The following LHFPL2 variants were observed in gnomAD, a reference collection of about 807,000 sequenced individuals.
LHFPL2 encodes the protein LHFPL tetraspan subfamily member 2, also known as LHFPL tetraspan subfamily member 2 protein.
A neutral mutation model predicts 17.5 loss-of-function variants in LHFPL2; 7 were observed. The observed-to-expected ratio is 0.40, with a 90% CI of 0.23 to 0.75. The LOEUF is 0.75. Ranked by LOEUF, LHFPL2 falls within the 30% of genes least tolerant of loss-of-function variation. The pLI is 0.37. For missense variants in LHFPL2, 241 were observed against 294.8 expected (o/e 0.82, Z 1.34); for synonymous variants, 134 against 116.2 (o/e 1.15, Z -0.99).
intron 3 of LHFPL2, among the ~76,000 whole-genome samples, chr5:78,548,700 T>A (rs1467805322): frequency 6.6e-6 from 1 of 152,138 alleles, no homozygotes; most frequent in East Asian, 1.9e-4. Flanking sequence ...CTCCCTCAGC[T>A]CCCCTCACCT....
chr5:78,488,846 G>T lies in LHFPL2; in HGVS notation c.*51C>A. 1.3e-6 allele frequency: 2 copies of T among 1,588,684 alleles called. No homozygotes were observed. Among genetic ancestry groups the T allele is most frequent in the Non-Finnish European group, 1.7e-6 (2 of 1,164,494 alleles). On this transcript the variant is annotated 3_prime_UTR_variant, in exon 5 of 5. Transcript: ENST00000380345. ...ACTTGACTCAAATGATGAAACTGTGGACTGTTTCACAAGATTACTCAAGGG... is the reference window on the plus strand; with the variant it reads ...ACTTGACTCAAATGATGAAACTGTGTACTGTTTCACAAGATTACTCAAGGG...
At chr5:78,629,444 G>T (rs1322542930) in intron 2 of LHFPL2, among the ~76,000 whole-genome samples, 1 of 152,196 alleles carries the variant, frequency 6.6e-6, no homozygotes, top group Non-Finnish European at 1.5e-5. Flanking sequence ...TGCATTGATT[G>T]TGCTCTGGAA....
chr5:78,488,363 T>C lies in LHFPL2; in HGVS notation c.*534A>G, dbSNP rs1754320225. 1 of 164,910 alleles carries C rather than the reference T, an allele frequency of 6.1e-6. No homozygotes were observed. The highest frequency in any genetic ancestry group is 1.3e-5 in the Non-Finnish European group (1 of 74,508). The allele number at this position is 164,910 out of a possible 1,614,324, so 10.2% of individuals were successfully genotyped here. A position where few individuals can be genotyped will look rare whatever the true frequency, so the allele number is the denominator to read the frequency against. On this transcript the variant is annotated 3_prime_UTR_variant, in exon 5 of 5. Coordinates refer to ENST00000380345, the MANE Select transcript of LHFPL2 (RefSeq NM_005779.3). Reference sequence around the variant, plus strand: ...ACGCCATCCCTGCTGACCCCTTTGGTCAGCTAAGCAAAAGACAGTGTCTTG... The same window carrying C: ...ACGCCATCCCTGCTGACCCCTTTGGCCAGCTAAGCAAAAGACAGTGTCTTG...
At chr5:78,629,455 A>G (rs1292225072) in intron 2 of LHFPL2, among the ~76,000 whole-genome samples, 1 of 152,240 alleles carries the variant, frequency 6.6e-6, no homozygotes, top group Non-Finnish European at 1.5e-5. Context: ...TGCTCTGGAA[A>G]TGGAATAGAG....
intron 4 of LHFPL2, among the ~76,000 whole-genome samples, chr5:78,503,592 G>A (rs1754839240): frequency 6.6e-6 from 1 of 152,150 alleles, no homozygotes; most frequent in Non-Finnish European, 1.5e-5. Context: ...CAGCTACTCA[G>A]GAGGCTGAGA....
In LHFPL2 at chr5:78,488,770, T is replaced by G; in HGVS notation, c.*127A>C. On this transcript the variant is annotated 3_prime_UTR_variant, in exon 5 of 5. Coordinates refer to ENST00000380345, the MANE Select transcript of LHFPL2 (RefSeq NM_005779.3). Reference sequence around the variant, plus strand: ...GGATGTGGCCTCTCATTGGTCCTGTTTAAGCCTCGGGCCGTGGAACGTGGC... The same window carrying G: ...GGATGTGGCCTCTCATTGGTCCTGTGTAAGCCTCGGGCCGTGGAACGTGGC... 8 of 1,081,144 alleles carry G rather than the reference T, an allele frequency of 7.4e-6. No individual in the cohort carries two copies. The highest frequency in any genetic ancestry group is 1.9e-5 in the Admixed American group (1 of 51,440). The allele number at this position is 1,081,144 out of a possible 1,614,324, so 67.0% of individuals were successfully genotyped here.
At chr5:78,605,159 G>A (rs541322371) in intron 2 of LHFPL2, among the ~76,000 whole-genome samples, 1 of 152,350 alleles carries the variant, frequency 6.6e-6, no homozygotes, top group East Asian at 1.9e-4. Context: ...GCCAAGTGCA[G>A]AAGCCATGGC....
chr5:78,640,414 C>A (rs905251029), intron 1 of LHFPL2, among the ~76,000 whole-genome samples: 5 of 152,168 alleles, frequency 3.3e-5, no homozygotes, highest in African/African-American at 2.4e-5. Flanking sequence ...AACCCCCAGT[C>A]CTAGTTACAT....
intron 2 of LHFPL2, among the ~76,000 whole-genome samples, chr5:78,576,181 G>C (rs1385864093): frequency 6.6e-6 from 1 of 152,130 alleles, no homozygotes; most frequent in African/African-American, 2.4e-5. Flanking sequence ...TGTAGTCCCA[G>C]CTACTCCGGA....
At chr5:78,609,342 T>C (rs900613299) in intron 2 of LHFPL2, among the ~76,000 whole-genome samples, 5 of 150,456 alleles carry the variant, frequency 3.3e-5, no homozygotes, top group Non-Finnish European at 1.5e-5. Context: ...TCCCAGCTAT[T>C]TGGGAGGCTG....
intron 3 of LHFPL2, among the ~76,000 whole-genome samples, chr5:78,536,071 C>T (rs956459851): frequency 1.3e-5 from 2 of 152,158 alleles, no homozygotes; most frequent in Non-Finnish European, 2.9e-5. Flanking sequence ...AGCTAACTAA[C>T]GCTTATCAGG....
At chr5:78,636,221 G>A (rs2112520822) in intron 1 of LHFPL2, among the ~76,000 whole-genome samples, 1 of 152,290 alleles carries the variant, frequency 6.6e-6, no homozygotes, top group Middle Eastern at 3.4e-3. Flanking sequence ...ATCCTGAGAA[G>A]CATTCTATTA....
chr5:78,513,751 TC>T (rs1433952893), intron 3 of LHFPL2, among the ~76,000 whole-genome samples: 5 of 151,984 alleles, frequency 3.3e-5, no homozygotes, highest in Non-Finnish European at 7.4e-5. Context: ...GTTCTCATTC[TC>T]TCTTGTCTGC....
intron 2 of LHFPL2, among the ~76,000 whole-genome samples, chr5:78,618,761 C>T (rs1352265263): frequency 6.6e-6 from 1 of 152,192 alleles, no homozygotes; most frequent in East Asian, 1.9e-4. Context: ...CAAAACTTTT[C>T]CAGCCATACC....
intron 2 of LHFPL2, among the ~76,000 whole-genome samples, chr5:78,620,835 TTCTC>T (rs1340113263): frequency 2.6e-5 from 4 of 152,362 alleles, no homozygotes; most frequent in Non-Finnish European, 4.4e-5. Flanking sequence ...TCAATGTGAT[TTCTC>T]TCTATTTTCG....
intron 4 of LHFPL2, among the ~76,000 whole-genome samples, chr5:78,490,681 G>A (rs544300206): frequency 4.2e-5 from 6 of 144,120 alleles, no homozygotes; most frequent in Non-Finnish European, 7.5e-5. Context: ...CCGGGAGGTG[G>A]AGGTTGCAGT....
At chr5:78,548,808 T>C (rs1756358194) in intron 3 of LHFPL2, among the ~76,000 whole-genome samples, 1 of 152,222 alleles carries the variant, frequency 6.6e-6, no homozygotes, top group South Asian at 2.1e-4. Flanking sequence ...TATTATGTGC[T>C]TGTTAACTAT....
intron 3 of LHFPL2, among the ~76,000 whole-genome samples, chr5:78,551,101 T>C (rs1333585227): frequency 6.6e-6 from 1 of 152,208 alleles, no homozygotes; most frequent in East Asian, 1.9e-4. Context: ...AACCCTTTTC[T>C]TACATTGTAA....
At chr5:78,639,020 G>A (rs1053829208) in intron 1 of LHFPL2, among the ~76,000 whole-genome samples, 1 of 152,084 alleles carries the variant, frequency 6.6e-6, no homozygotes, top group Non-Finnish European at 1.5e-5. Context: ...TATTAAGAAA[G>A]CCAGAAGCCT....
Sources: gnomAD v4.1 joint callset for allele counts (sites outside exome capture counted in the v4.1 genomes callset) on GRCh38, gnomAD v4.1.1 for gene constraint, MANE v1.5 for transcripts, NCBI Gene and HGNC (gene_info 2026-07-23, HGNC 2026-07-21) for gene names.